The following GABBR2 variants were observed in gnomAD, a reference collection of about 807,000 sequenced individuals.
The protein encoded by GABBR2 is gamma-aminobutyric acid type B receptor subunit 2, also known as G-protein coupled receptor 51.
Under a neutral mutation model 105.6 loss-of-function variants are expected in GABBR2, and 23 were observed. The ratio of observed to expected loss-of-function variants is 0.22; its 90% CI spans 0.16 to 0.31. The LOEUF is 0.31. GABBR2 is among the 10% of genes least tolerant of loss of function. The probability of loss-of-function intolerance (pLI) is 1.00; values close to 1 mark genes in which losing one functional copy is unlikely to be tolerated. For synonymous variants in GABBR2, 478 were observed against 499.7 expected, an observed-to-expected ratio of 0.96 and a Z score of 0.58; for missense variants, 734 against 1,245.5, an observed-to-expected ratio of 0.59 and a Z score of 6.18.
At chr9:98,618,325 G>A (rs193124016) in intron 1 of GABBR2, among the ~76,000 whole-genome samples, 6 of 152,086 alleles carry the variant, frequency 3.9e-5, no homozygotes, top group African/African-American at 9.7e-5. Flanking sequence ...GGGATTGTTC[G>A]ATCACAATAG....
intron 1 of GABBR2, among the ~76,000 whole-genome samples, chr9:98,598,574 AAAG>A (rs1016891374): frequency 4.2e-5 from 6 of 144,518 alleles, no homozygotes; most frequent in African/African-American, 1.2e-4. Context: ...TTCACATAGG[AAAG>A]AAGAAGAAAA....
At chr9:98,583,588 A>G (rs1414239636) in intron 1 of GABBR2, among the ~76,000 whole-genome samples, 1 of 152,244 alleles carries the variant, frequency 6.6e-6, no homozygotes, top group Non-Finnish European at 1.5e-5. Flanking sequence ...CTCTGGCCTC[A>G]GGAAGGGTGG....
intron 1 of GABBR2, among the ~76,000 whole-genome samples, chr9:98,585,241 T>C (rs1164771475): frequency 2.0e-5 from 3 of 151,956 alleles, no homozygotes; most frequent in African/African-American, 7.3e-5. Context: ...GGAACCAACC[T>C]AAATGTCCAA....
intron 13 of GABBR2, among the ~76,000 whole-genome samples, chr9:98,345,195 G>C (rs1197351528): frequency 5.3e-5 from 8 of 152,146 alleles, no homozygotes; most frequent in Non-Finnish European, 1.0e-4. Flanking sequence ...ATCAGCTTTT[G>C]CCTGAATTAC....
rs1329733428 is a variant in GABBR2, at chr9:98,288,779, C to T, written c.*1805G>A. 6.6e-6 allele frequency: 1 copy of T among 152,492 alleles called. No homozygotes were observed. The highest frequency in any genetic ancestry group is 1.9e-4 in the East Asian group (1 of 5,188). The allele number at this position is 152,492 out of a possible 1,614,324, so 9.4% of individuals were successfully genotyped here. ...AAGCTACAGTACCTCCATAACCTCT[C>T]TTTGGGGAAGGGGAGCAGAAAGCTA... On this transcript the variant is annotated 3_prime_UTR_variant, in exon 19 of 19. Coordinates refer to ENST00000259455, the MANE Select transcript of GABBR2 (RefSeq NM_005458.8).
chr9:98,440,917 G>GAC (rs1826020529), intron 7 of GABBR2, among the ~76,000 whole-genome samples: 1 of 152,074 alleles, frequency 6.6e-6, no homozygotes, highest in Non-Finnish European at 1.5e-5. Context: ...AACATACCTT[G>GAC]ACACACACAC....
chr9:98,633,163 G>A (rs1305478455), intron 1 of GABBR2, among the ~76,000 whole-genome samples: 1 of 152,158 alleles, frequency 6.6e-6, no homozygotes, highest in Admixed American at 6.5e-5. Flanking sequence ...TCATGAGCCA[G>A]TACCAGCCAG....
chr9:98,540,367 G>A (rs1391081204), intron 3 of GABBR2, among the ~76,000 whole-genome samples: 1 of 152,200 alleles, frequency 6.6e-6, no homozygotes, highest in Non-Finnish European at 1.5e-5. Flanking sequence ...GCCCTGCAGG[G>A]AGGCATGCAA....
chr9:98,601,127 G>C (rs1829325595), intron 1 of GABBR2, among the ~76,000 whole-genome samples: 1 of 152,176 alleles, frequency 6.6e-6, no homozygotes, highest in Admixed American at 6.5e-5. Context: ...GTGCTGCTCA[G>C]ACTGTCATAA....
chr9:98,608,326 T>A (rs553303259), intron 1 of GABBR2, among the ~76,000 whole-genome samples: 50 of 152,340 alleles, frequency 3.3e-4, no homozygotes, highest in African/African-American at 1.2e-3. Context: ...GGGTGTTGTG[T>A]ACTTAGAAAG....
chr9:98,450,755 C>T (rs1826216242), intron 7 of GABBR2, among the ~76,000 whole-genome samples: 1 of 152,092 alleles, frequency 6.6e-6, no homozygotes, highest in African/African-American at 2.4e-5. Flanking sequence ...AAATAGGTGC[C>T]AAGGAATTTC....
At chr9:98,702,401 C>G (rs562756227) in intron 1 of GABBR2, among the ~76,000 whole-genome samples, 5 of 152,302 alleles carry the variant, frequency 3.3e-5, no homozygotes, top group Admixed American at 3.3e-4. Flanking sequence ...CATCACCGCT[C>G]CCTTCAACTG....
At chr9:98,506,815 A>T (rs1300464212) in intron 3 of GABBR2, among the ~76,000 whole-genome samples, 1 of 152,180 alleles carries the variant, frequency 6.6e-6, no homozygotes, top group Non-Finnish European at 1.5e-5. Flanking sequence ...CAGCTGGCCT[A>T]CATGGCAATT....
intron 2 of GABBR2, among the ~76,000 whole-genome samples, chr9:98,577,696 G>T (rs1028715045): frequency 2.0e-5 from 3 of 152,182 alleles, no homozygotes; most frequent in Non-Finnish European, 4.4e-5. Flanking sequence ...GGGAGTCAGT[G>T]GTGAGCCCTG....
intron 13 of GABBR2, among the ~76,000 whole-genome samples, chr9:98,335,840 T>TC (rs59898912): frequency 0.44 from 67,236 of 152,058 alleles, 14,995 homozygotes; most frequent in African/African-American, 0.48. Context: ...AGCTTGTCCA[T>TC]CATCCATTCA....
chr9:98,471,590 G>A (rs1032931204), intron 6 of GABBR2, among the ~76,000 whole-genome samples: 17 of 152,158 alleles, frequency 1.1e-4, no homozygotes, highest in African/African-American at 3.4e-4. Flanking sequence ...AACTATATCC[G>A]AGGGAGGTCC....
At chr9:98,693,860 A>G (rs1310770853) in intron 1 of GABBR2, among the ~76,000 whole-genome samples, 1 of 152,240 alleles carries the variant, frequency 6.6e-6, no homozygotes, top group Non-Finnish European at 1.5e-5. Context: ...AGGGCCTTCC[A>G]GGCCACAGCA....
chr9:98,425,432 T>C (rs1832857296), intron 7 of GABBR2, among the ~76,000 whole-genome samples: 1 of 152,194 alleles, frequency 6.6e-6, no homozygotes, highest in Non-Finnish European at 1.5e-5. Flanking sequence ...ATGTGTTTGT[T>C]CATTCAATTA....
intron 7 of GABBR2, among the ~76,000 whole-genome samples, chr9:98,435,961 G>GTTATTCGGATGATTATCAGTTTT (rs1825894231): frequency 6.6e-6 from 1 of 151,898 alleles, no homozygotes; most frequent in Non-Finnish European, 1.5e-5. Flanking sequence ...TATTTAAATG[G>GTTATTCGGATGATTATCAGTTTT]TTATTCGGAT....
Sources: allele counts gnomAD v4.1 joint callset (sites outside exome capture counted in the v4.1 genomes callset), GRCh38; gene constraint gnomAD v4.1.1; transcripts MANE v1.5; gene names NCBI Gene and HGNC (gene_info 2026-07-23, HGNC 2026-07-21).